PARP8: variants seen among roughly 807,000 people sequenced by gnomAD.
The protein encoded by PARP8 is poly(ADP-ribose) polymerase family member 8.
PARP8 carries 51 observed loss-of-function variants against 124.1 expected under a neutral mutation model. The observed-to-expected ratio is 0.41, with a 90% confidence interval of 0.33 to 0.52. The LOEUF is 0.52. Ranked by LOEUF, PARP8 falls within the 20% of genes least tolerant of loss-of-function variation. The pLI is 0.21. For missense variants in PARP8, 860 were observed against 1,018.9 expected (o/e 0.84, Z 2.12); for synonymous variants, 391 against 361.5 (o/e 1.08, Z -0.93).
intron 14 of PARP8, among the ~76,000 whole-genome samples, chr5:50,802,031 A>T (rs189297168): frequency 6.6e-6 from 1 of 152,284 alleles, no homozygotes; most frequent in East Asian, 1.9e-4. Flanking sequence ...GTTGATAGCA[A>T]ATTGTTGATC....
At chr5:50,777,103 A>G (rs1341410201) in intron 7 of PARP8, among the ~76,000 whole-genome samples, 1 of 152,198 alleles carries the variant, frequency 6.6e-6, no homozygotes, top group African/African-American at 2.4e-5. Context: ...ATATTAACTA[A>G]AATACATGTA....
At chr5:50,672,890 C>T (rs1368024149) in intron 2 of PARP8, among the ~76,000 whole-genome samples, 2 of 151,898 alleles carry the variant, frequency 1.3e-5, no homozygotes, top group African/African-American at 4.8e-5. Context: ...CAATGCTATC[C>T]CCTTAAAAAG....
At chr5:50,704,252 G>A (rs1753896600) in intron 2 of PARP8, among the ~76,000 whole-genome samples, 1 of 152,026 alleles carries the variant, frequency 6.6e-6, no homozygotes, top group Non-Finnish European at 1.5e-5. Flanking sequence ...CTTGTGTATA[G>A]ATATCCTCAC....
chr5:50,780,896 G>A (rs1437847985), intron 9 of PARP8, among the ~76,000 whole-genome samples: 3 of 147,782 alleles, frequency 2.0e-5, no homozygotes, highest in African/African-American at 7.5e-5. Context: ...AATCTGTTTT[G>A]ATTTGTTTGT....
chr5:50,748,433 TA>T (rs965917408), intron 2 of PARP8, among the ~76,000 whole-genome samples: 2 of 152,142 alleles, frequency 1.3e-5, no homozygotes, highest in African/African-American at 4.8e-5. Context: ...TTTAAAGCAT[TA>T]AAAAAATAGT....
chr5:50,830,805 C>T (rs1580493389), intron 22 of PARP8, among the ~76,000 whole-genome samples: 1 of 141,908 alleles, frequency 7.0e-6, no homozygotes, highest in Non-Finnish European at 1.5e-5. Context: ...ATTAGTTTTG[C>T]TTGTGTGCTC....
intron 2 of PARP8, among the ~76,000 whole-genome samples, chr5:50,678,774 C>G (rs1032048534): frequency 3.3e-5 from 5 of 152,132 alleles, no homozygotes; most frequent in Admixed American, 6.5e-5. Flanking sequence ...TGGAAATGTA[C>G]AGAGTCTGAG....
chr5:50,828,408 A>C (rs1746580298), intron 21 of PARP8, 24 bp downstream of exon 21: 1 of 1,586,832 alleles, frequency 6.3e-7, no homozygotes, highest in Non-Finnish European at 8.6e-7. Context: ...ATGCTTTCAC[A>C]AGACTTCATT....
intron 2 of PARP8, among the ~76,000 whole-genome samples, chr5:50,694,061 T>A (rs1333072117): frequency 6.6e-6 from 1 of 152,198 alleles, no homozygotes; most frequent in African/African-American, 2.4e-5. Flanking sequence ...ACACCCTCTT[T>A]CTGTACCATT....
chr5:50,718,546 G>A (rs749092850), intron 2 of PARP8, among the ~76,000 whole-genome samples: 2 of 151,494 alleles, frequency 1.3e-5, no homozygotes, highest in East Asian at 1.9e-4. Context: ...TTTCAGCTCC[G>A]ACATATGAGT....
At chr5:50,741,145 G>T (rs1411727972) in intron 2 of PARP8, among the ~76,000 whole-genome samples, 2 of 152,148 alleles carry the variant, frequency 1.3e-5, no homozygotes, top group Non-Finnish European at 2.9e-5. Context: ...TTTATCAAAA[G>T]AATACTGAAT....
At chr5:50,754,154 C>CATATACATAT (rs1166380983) in intron 3 of PARP8, among the ~76,000 whole-genome samples, 12 of 41,492 alleles carry the variant, frequency 2.9e-4, no homozygotes, top group African/African-American at 1.1e-3. Flanking sequence ...TATATATACA[C>CATATACATAT]ACACACACAC....
At chr5:50,760,443 C>A in intron 5 of PARP8, 81 bp downstream of exon 5, 1 of 1,092,386 alleles carries the variant, frequency 9.2e-7, no homozygotes, top group Non-Finnish European at 1.2e-6. Flanking sequence ...TTAATAGCAT[C>A]ATTAGTGAGA....
intron 7 of PARP8, among the ~76,000 whole-genome samples, chr5:50,775,079 C>T (rs542207796): frequency 1.4e-5 from 2 of 147,004 alleles, no homozygotes; most frequent in South Asian, 2.2e-4. Context: ...CCAGATGGGG[C>T]GGCCTGGCAG....
intron 25 of PARP8, among the ~76,000 whole-genome samples, chr5:50,835,248 A>G (rs542016592): frequency 2.7e-4 from 41 of 152,334 alleles, no homozygotes; most frequent in African/African-American, 9.4e-4. Flanking sequence ...ACAACTAAAA[A>G]AAACACCATC....
In PARP8 at chr5:50,844,240, GTCT is replaced by G. The variant is rs1748445281; in HGVS notation, c.*2177_*2179del. ...ATCTTTTATGATAATAAAGTAAGAT[GTCT>G]TCTTATGACAGTTAATTGAGTTGTA... is the stretch of plus-strand genomic sequence containing the variant. On this transcript the variant is annotated 3_prime_UTR_variant, in exon 26 of 26. Transcript: ENST00000281631. 1 of 151,786 alleles carries G rather than the reference GTCT, an allele frequency of 6.6e-6. No individual in the cohort carries two copies. Among genetic ancestry groups the G allele is most frequent in the African/African-American group, 2.4e-5 (1 of 41,410 alleles). The allele number at this position is 151,786 out of a possible 1,614,324, so 9.4% of individuals were successfully genotyped here.
chr5:50,832,904 A>G (rs773740042), intron 23 of PARP8, 50 bp downstream of exon 23: 2 of 1,536,638 alleles, frequency 1.3e-6, no homozygotes, highest in African/African-American at 1.4e-5. Flanking sequence ...CTGTGGCCTC[A>G]TCAGCCAGCA....
At chr5:50,704,656 C>T (rs1580019231) in intron 2 of PARP8, among the ~76,000 whole-genome samples, 1 of 152,146 alleles carries the variant, frequency 6.6e-6, no homozygotes, top group African/African-American at 2.4e-5. Flanking sequence ...AAGAATGTAA[C>T]ATATCTCATG....
chr5:50,802,762 C>T (rs1285468656), intron 14 of PARP8, among the ~76,000 whole-genome samples: 3 of 151,948 alleles, frequency 2.0e-5, no homozygotes, highest in South Asian at 2.1e-4. Flanking sequence ...TATTGCTTTA[C>T]GCAGTTGTTT....
Sources: gnomAD v4.1 joint callset for allele counts (sites outside exome capture counted in the v4.1 genomes callset) on GRCh38, gnomAD v4.1.1 for gene constraint, MANE v1.5 for transcripts, NCBI Gene and HGNC (gene_info 2026-07-23, HGNC 2026-07-21) for gene names.